Variants in PPFIA1 observed in about 807,000 individuals in gnomAD.
The protein encoded by PPFIA1 is PPFI scaffold protein A1.
PPFIA1 carries 25 observed loss-of-function variants against 149.9 expected under a neutral mutation model. The observed-to-expected ratio is 0.17, with a 90% CI of 0.12 to 0.23. The LOEUF (loss-of-function observed/expected upper bound fraction) is 0.23. Among genes scored for constraint, PPFIA1 ranks in the 10% least tolerant of loss-of-function variants. PPFIA1 has a pLI of 1.00. For missense variants in PPFIA1, 1,362 were observed against 1,506.5 expected (o/e 0.90, Z 1.59); for synonymous variants, 549 against 552.8 (o/e 0.99, Z 0.10).
chr11:70,355,565 G>C, intron 17 of PPFIA1, 74 bp from the exon 18 acceptor site: 1 of 1,367,580 alleles, frequency 7.3e-7, no homozygotes, highest in Non-Finnish European at 1.0e-6. Flanking sequence ...GTGCTTGTAG[G>C]GAAGTTTGCG....
chr11:70,318,140 C>T (rs537128902), intron 2 of PPFIA1, among the ~76,000 whole-genome samples: 7 of 152,274 alleles, frequency 4.6e-5, no homozygotes, highest in African/African-American at 1.2e-4. Flanking sequence ...CCCTAAGTGC[C>T]GCCAGCATCT....
At chr11:70,371,421 A>ATGTTCTATCTTCTGTTGTTGG (rs2057244945) in intron 21 of PPFIA1, 15 of 12,762 alleles carry the variant, frequency 1.2e-3, no homozygotes, top group South Asian at 4.0e-3. Flanking sequence ...TCTGTTGTTG[A>ATGTTCTATCTTCTGTTGTTGG]GTGGCGTGTT....
chr11:70,343,856 T>C lies in PPFIA1; in HGVS notation c.1895T>C (p.Leu632Pro). 1 of 1,614,096 alleles carries C rather than the reference T, an allele frequency of 6.2e-7. No homozygotes were observed. Among genetic ancestry groups the C allele is most frequent in the African/African-American group, 1.3e-5 (1 of 75,052 alleles). Residue 632 changes from leucine (L) to proline (P), a missense_variant, in exon 15 of 28, where the codon CTT becomes CCT. Transcript: ENST00000253925. ...GACGCGCACACACTAGCCATGATGC[T>C]TCAGGAGCAGCTGGACGCCATCAAC... ...QADAHTLAMM[L>P]QEQLDAINKE... is the part of the protein sequence containing the mutation.
At chr11:70,311,836 CTTTTTTTTTTT>C (rs140584652) in intron 2 of PPFIA1, among the ~76,000 whole-genome samples, 3,079 of 70,224 alleles carry the variant, frequency 0.044, 173 homozygotes, top group African/African-American at 0.18. Context: ...AGTGAGTCAG[CTTTTTTTTTTT>C]TTTTTTTTTT....
chr11:70,319,874 A>G (rs532245767), intron 2 of PPFIA1: 2 of 152,136 alleles, frequency 1.3e-5, no homozygotes, highest in Non-Finnish European at 2.9e-5. Flanking sequence ...GCATGTTCAG[A>G]ATTCAGCTCA....
rs1388528635 is a variant in PPFIA1 at position 70,355,748 on chromosome 11, C to T, written c.2425C>T (p.Arg809Cys). 1.2e-6 allele frequency: 2 copies of T among 1,613,942 alleles called. No individual in the cohort carries two copies. The highest frequency in any genetic ancestry group is 1.7e-6 in the Non-Finnish European group (2 of 1,180,000). Residue 809 changes from arginine (R) to cysteine (C), a missense_variant, in exon 18 of 28, where the codon CGC becomes TGC. Physicochemically the swap from Arg to Cys is radical, Grantham distance 180. Transcript: ENST00000253925. ...GAAAGGCATTAAGTCCTCCATTGGC[C>T]GCTTGTTTGGCAAGAAAGAAAAGGG... ...KKKGIKSSIGRLFGKKEKGRP... is the reference protein window; with the variant it reads ...KKKGIKSSIGCLFGKKEKGRP...
At chr11:70,377,108 C>A (rs996128510) in intron 25 of PPFIA1, among the ~76,000 whole-genome samples, 1 of 151,658 alleles carries the variant, frequency 6.6e-6, no homozygotes, top group Non-Finnish European at 1.5e-5. Flanking sequence ...AAAAAACCCA[C>A]AAAAGTAATA....
intron 16 of PPFIA1, among the ~76,000 whole-genome samples, chr11:70,349,514 T>C (rs2055923641): frequency 6.6e-6 from 1 of 152,208 alleles, no homozygotes; most frequent in African/African-American, 2.4e-5. Flanking sequence ...TTTGTCAGTG[T>C]GTTGTCAATG....
intron 17 of PPFIA1, among the ~76,000 whole-genome samples, chr11:70,355,399 G>T (rs1288174120): frequency 1.3e-5 from 2 of 152,152 alleles, no homozygotes; most frequent in Non-Finnish European, 2.9e-5. Flanking sequence ...GCACCTGATG[G>T]CGCGGAGTCA....
intron 2 of PPFIA1, among the ~76,000 whole-genome samples, chr11:70,277,060 A>ATATATATATATATAT: frequency 1.2e-4 from 8 of 66,310 alleles, no homozygotes; most frequent in African/African-American, 9.4e-4. Flanking sequence ...ATATATATAT[A>ATATATATATATATAT]TTTTTTTTTT....
intron 2 of PPFIA1, among the ~76,000 whole-genome samples, chr11:70,285,669 GACTCTGTCTCAAAAAAAAAAAAAAA>G (rs2136140938): frequency 7.0e-6 from 1 of 142,672 alleles, no homozygotes; most frequent in Admixed American, 6.9e-5. Flanking sequence ...GACAGAGTGA[GACTCTGTCTCAAAAAAAAAAAAAAA>G]ACCTCTTAAC....
At chr11:70,292,224 C>A (rs2051584378) in intron 2 of PPFIA1, among the ~76,000 whole-genome samples, 2 of 152,114 alleles carry the variant, frequency 1.3e-5, no homozygotes, top group Non-Finnish European at 2.9e-5. Context: ...GCTCAAGTGA[C>A]CCCCCTGCCT....
chr11:70,375,180 TTA>T (rs1491275183), intron 24 of PPFIA1, 87 bp downstream of exon 24: 39 of 270,476 alleles, frequency 1.4e-4, no homozygotes, highest in African/African-American at 1.2e-3. Flanking sequence ...GAAAGAAACT[TTA>T]AAAAAAAAAA....
At chr11:70,290,641 C>G (rs1026583450) in intron 2 of PPFIA1, among the ~76,000 whole-genome samples, 5 of 152,160 alleles carry the variant, frequency 3.3e-5, no homozygotes, top group Admixed American at 1.3e-4. Flanking sequence ...CACAGAGTCT[C>G]ATTCTTATTC....
intron 19 of PPFIA1, among the ~76,000 whole-genome samples, chr11:70,360,634 T>C (rs916199417): frequency 6.6e-5 from 10 of 152,252 alleles, no homozygotes; most frequent in African/African-American, 2.2e-4. Context: ...GAAGGCAGGG[T>C]TTCAGCCACC....
chr11:70,365,369 T>C (rs1443250191), intron 21 of PPFIA1: 1 of 456,586 alleles, frequency 2.2e-6, no homozygotes, highest in Non-Finnish European at 4.4e-6. Flanking sequence ...TGGGGTCACC[T>C]TAGACCACAG....
At chr11:70,288,392 T>C (rs1184812753) in intron 2 of PPFIA1, among the ~76,000 whole-genome samples, 1 of 152,092 alleles carries the variant, frequency 6.6e-6, no homozygotes, top group Non-Finnish European at 1.5e-5. Flanking sequence ...TTTGTATCCC[T>C]TCGAGGCTCA....
intron 2 of PPFIA1, among the ~76,000 whole-genome samples, chr11:70,295,209 C>CG (rs2051835395): frequency 8.0e-6 from 1 of 124,626 alleles, no homozygotes; most frequent in Non-Finnish European, 1.7e-5. Flanking sequence ...CCCTCCCGGA[C>CG]GGGGTGGCTG....
chr11:70,331,597 T>A (rs2054665758), intron 8 of PPFIA1, among the ~76,000 whole-genome samples: 1 of 152,050 alleles, frequency 6.6e-6, no homozygotes, highest in Non-Finnish European at 1.5e-5. Flanking sequence ...CTGGCCAACA[T>A]GCCGAAGTCC....
Sources: gnomAD v4.1 joint callset for allele counts (sites outside exome capture counted in the v4.1 genomes callset) on GRCh38, gnomAD v4.1.1 for gene constraint, MANE v1.5 for transcripts, NCBI Gene and HGNC (gene_info 2026-07-23, HGNC 2026-07-21) for gene names.